PTPRT: variants seen among roughly 807,000 people sequenced by gnomAD.
PTPRT encodes the protein receptor-type tyrosine-protein phosphatase T.
PTPRT carries 56 observed loss-of-function variants against 176.8 expected under a neutral mutation model. The ratio of observed to expected loss-of-function variants is 0.32; its 90% CI spans 0.26 to 0.40. PTPRT has a LOEUF of 0.40. PTPRT is among the 10% of genes least tolerant of loss of function. The pLI, the probability that PTPRT is intolerant of heterozygous loss-of-function variation, is 1.00. For missense variants in PTPRT, 1,540 were observed against 1,908.2 expected (o/e 0.81, Z 3.60); for synonymous variants, 783 against 739.0 (o/e 1.06, Z -0.96).
intron 1 of PTPRT, among the ~76,000 whole-genome samples, chr20:42,917,296 G>T: frequency 6.6e-6 from 1 of 151,988 alleles, no homozygotes; most frequent in Non-Finnish European, 1.5e-5. Flanking sequence ...ATTTCTGAGG[G>T]CTCTGTTCTG....
chr20:42,827,144 A>G (rs1404191025), intron 2 of PTPRT, among the ~76,000 whole-genome samples: 1 of 152,126 alleles, frequency 6.6e-6, no homozygotes, highest in Non-Finnish European at 1.5e-5. Context: ...CAGACAGATC[A>G]TTGAGGTAGA....
the PTPRT span, among the ~76,000 whole-genome samples, chr20:42,040,054 A>G: frequency 2.6e-5 from 4 of 152,086 alleles, no homozygotes; most frequent in African/African-American, 9.7e-5. Flanking sequence ...ATTCCCACCA[A>G]CAGTGTGCAA....
intron 2 of PTPRT, among the ~76,000 whole-genome samples, chr20:42,821,434 G>A (rs895341949): frequency 1.3e-5 from 2 of 152,158 alleles, no homozygotes; most frequent in African/African-American, 4.8e-5. Flanking sequence ...AGCTATTTAT[G>A]ACAAACCCAC....
chr20:42,143,575 G>A (rs1438010418), intron 17 of PTPRT, among the ~76,000 whole-genome samples: 2 of 143,252 alleles, frequency 1.4e-5, no homozygotes, highest in African/African-American at 2.5e-5. Flanking sequence ...AAAAAAAAAA[G>A]TTGTGGCAGT....
At chr20:42,797,674 A>G (rs558298332) in intron 2 of PTPRT, among the ~76,000 whole-genome samples, 1 of 152,314 alleles carries the variant, frequency 6.6e-6, no homozygotes, top group Admixed American at 6.5e-5. Context: ...TTCAGATGGA[A>G]TTAAGGTTAT....
At chr20:42,585,510 T>C (rs561466319) in intron 7 of PTPRT, among the ~76,000 whole-genome samples, 1 of 152,330 alleles carries the variant, frequency 6.6e-6, no homozygotes, top group Admixed American at 6.5e-5. Flanking sequence ...TTTATTTTAG[T>C]TCCTCTATTT....
chr20:42,547,761 G>A (rs953738032), intron 7 of PTPRT, among the ~76,000 whole-genome samples: 1 of 151,936 alleles, frequency 6.6e-6, no homozygotes, highest in African/African-American at 2.4e-5. Context: ...TCAGAATGAG[G>A]TGTAAATATT....
intron 6 of PTPRT, among the ~76,000 whole-genome samples, chr20:42,721,362 G>A (rs971909003): frequency 2.6e-5 from 4 of 152,238 alleles, no homozygotes; most frequent in Admixed American, 1.3e-4. Flanking sequence ...AGGCAGGGTT[G>A]TGGAGGCCTC....
intron 9 of PTPRT, among the ~76,000 whole-genome samples, chr20:42,374,401 A>T (rs2058626233): frequency 6.6e-6 from 1 of 152,242 alleles, no homozygotes. Context: ...CTTTTTAAAC[A>T]CGCAAGTAAA....
At chr20:42,190,729 T>C (rs182647453) in intron 16 of PTPRT, among the ~76,000 whole-genome samples, 10 of 152,308 alleles carry the variant, frequency 6.6e-5, no homozygotes, top group Middle Eastern at 3.4e-3. Flanking sequence ...CTGGAGATCA[T>C]GCTTCAAGAA....
chr20:42,261,222 G>A (rs1239068126), intron 13 of PTPRT, among the ~76,000 whole-genome samples: 1 of 152,118 alleles, frequency 6.6e-6, no homozygotes, highest in East Asian at 1.9e-4. Context: ...GGTTGGCAAT[G>A]CTTGGCATTC....
intron 1 of PTPRT, among the ~76,000 whole-genome samples, chr20:43,078,767 A>G (rs1420509517): frequency 6.6e-6 from 1 of 152,216 alleles, no homozygotes; most frequent in East Asian, 1.9e-4. Context: ...ACCAGTTGCA[A>G]TATTAATCAT....
At chr20:42,641,051 G>C (rs1461362560) in intron 7 of PTPRT, among the ~76,000 whole-genome samples, 1 of 152,060 alleles carries the variant, frequency 6.6e-6, no homozygotes, top group Non-Finnish European at 1.5e-5. Context: ...CCACTAAGTG[G>C]ATGGTCATGA....
chr20:42,426,334 T>A (rs563102322), intron 9 of PTPRT, among the ~76,000 whole-genome samples: 43 of 152,010 alleles, frequency 2.8e-4, no homozygotes, highest in African/African-American at 9.9e-4. Flanking sequence ...CATCCAAACA[T>A]CAAGAGGAGT....
intron 21 of PTPRT, among the ~76,000 whole-genome samples, chr20:42,116,406 G>A (rs759073021): frequency 1.1e-4 from 17 of 152,140 alleles, no homozygotes; most frequent in East Asian, 5.8e-4. Flanking sequence ...GAGCATGGGG[G>A]CAAATGGATT....
chr20:42,389,139 G>A (rs1315299263), intron 9 of PTPRT, among the ~76,000 whole-genome samples: 1 of 136,778 alleles, frequency 7.3e-6, no homozygotes, highest in Non-Finnish European at 1.6e-5. Context: ...GGTGAGGGGA[G>A]GGGGGAGGGA....
intron 11 of PTPRT, among the ~76,000 whole-genome samples, chr20:42,321,967 G>A (rs2057804703): frequency 6.6e-6 from 1 of 152,140 alleles, no homozygotes. Flanking sequence ...CAGCTTCTTA[G>A]GAGGCGGAGG....
rs901705020 is a variant in PTPRT, at chr20:42,678,262, A to G, written c.860-103T>C. ...GACAGAATTCTTGATGTAGCCACAA[A>G]AAAAATAGTCAGAAACCCCTTTTTG... On this transcript the variant is annotated intron_variant, in intron 6 of 30. Transcript: ENST00000373187. 3.1e-5 allele frequency: 35 copies of G among 1,125,886 alleles called. 1 individual carries two copies. The highest frequency in any genetic ancestry group is 5.2e-4 in the Middle Eastern group (2 of 3,812). The allele number at this position is 1,125,886 out of a possible 1,614,324, so 69.7% of individuals were successfully genotyped here. A position where few individuals can be genotyped will look rare whatever the true frequency, so the allele number is the denominator to read the frequency against.
chr20:42,065,861 C>A, the PTPRT span, among the ~76,000 whole-genome samples: 1 of 152,060 alleles, frequency 6.6e-6, no homozygotes, highest in African/African-American at 2.4e-5. Context: ...AACAAAGTAT[C>A]CTACAATTAA....
Sources: allele counts gnomAD v4.1 joint callset (sites outside exome capture counted in the v4.1 genomes callset), GRCh38; gene constraint gnomAD v4.1.1; transcripts MANE v1.5; gene names NCBI Gene and HGNC (gene_info 2026-07-23, HGNC 2026-07-21).